Variants in CDH2 observed in about 807,000 individuals in gnomAD.
The protein encoded by CDH2 is cadherin-2.
Under a neutral mutation model 92.0 loss-of-function variants are expected in CDH2, and 17 were observed. The ratio of observed to expected loss-of-function variants is 0.18; its 90% confidence interval spans 0.13 to 0.28. The LOEUF (loss-of-function observed/expected upper bound fraction) is 0.28. Among genes scored for constraint, CDH2 ranks in the 10% least tolerant of loss-of-function variants. The probability of loss-of-function intolerance (pLI) is 1.00; values close to 1 mark genes in which losing one functional copy is unlikely to be tolerated. For synonymous variants in CDH2, 419 were observed against 415.9 expected, an observed-to-expected ratio of 1.01 and a Z score of -0.09; for missense variants, 862 against 1,133.1, an observed-to-expected ratio of 0.76 and a Z score of 3.44.
At chr18:28,126,387 A>T (rs2015677945) in intron 2 of CDH2, among the ~76,000 whole-genome samples, 1 of 152,158 alleles carries the variant, frequency 6.6e-6, no homozygotes, top group Non-Finnish European at 1.5e-5. Flanking sequence ...CCTTTGAAAA[A>T]ATACATCATC....
At chr18:27,943,004 C>T (rs1050084320) in intron 6 of CDH2, among the ~76,000 whole-genome samples, 6 of 152,096 alleles carry the variant, frequency 3.9e-5, no homozygotes, top group African/African-American at 1.4e-4. Context: ...CATCTCCTTC[C>T]CCACCACACA....
chr18:28,057,324 T>C (rs1461131914), intron 2 of CDH2, among the ~76,000 whole-genome samples: 1 of 152,230 alleles, frequency 6.6e-6, no homozygotes, highest in Non-Finnish European at 1.5e-5. Context: ...CAGACTTTCA[T>C]GCTAAAATTA....
chr18:28,110,955 C>G, intron 2 of CDH2, among the ~76,000 whole-genome samples: 1 of 152,034 alleles, frequency 6.6e-6, no homozygotes, highest in East Asian at 1.9e-4. Flanking sequence ...GTACATCAAG[C>G]TAAATGAGGT....
intron 2 of CDH2, among the ~76,000 whole-genome samples, chr18:28,137,472 C>G (rs1278667296): frequency 6.6e-6 from 1 of 151,894 alleles, no homozygotes; most frequent in Non-Finnish European, 1.5e-5. Flanking sequence ...GTGAGCAAAT[C>G]CCAACCAGAG....
At chr18:28,053,217 AC>A (rs1219043103) in intron 2 of CDH2, among the ~76,000 whole-genome samples, 2 of 143,716 alleles carry the variant, frequency 1.4e-5, no homozygotes, top group Admixed American at 1.4e-4. Context: ...AAGCCATTCC[AC>A]CATGTAATTG....
At chr18:28,104,692 A>ATATCTATC (rs5823586) in intron 2 of CDH2, among the ~76,000 whole-genome samples, 22,034 of 148,356 alleles carry the variant, frequency 0.15, 2,779 homozygotes, top group African/African-American at 0.34. Context: ...ATGCAAATAC[A>ATATCTATC]TATCTATCTA....
chr18:28,010,107 A>C (rs2013053539), intron 4 of CDH2, among the ~76,000 whole-genome samples: 1 of 152,158 alleles, frequency 6.6e-6, no homozygotes, highest in South Asian at 2.1e-4. Context: ...CTAAAAGAAA[A>C]CTCACTAGGA....
At chr18:28,109,737 A>G (rs1315404338) in intron 2 of CDH2, among the ~76,000 whole-genome samples, 32 of 152,292 alleles carry the variant, frequency 2.1e-4, no homozygotes, top group Admixed American at 2.1e-3. Context: ...AAGTATATGA[A>G]ACTCTTTTTT....
chr18:28,144,591 T>C (rs2016006244), intron 2 of CDH2, among the ~76,000 whole-genome samples: 1 of 151,946 alleles, frequency 6.6e-6, no homozygotes, highest in Admixed American at 6.6e-5. Context: ...CAAAGATCTC[T>C]AAAAAGAATC....
intron 6 of CDH2, among the ~76,000 whole-genome samples, chr18:27,939,603 C>T (rs1039374404): frequency 6.6e-6 from 1 of 152,148 alleles, no homozygotes; most frequent in Non-Finnish European, 1.5e-5. Flanking sequence ...GGCCCTTGAG[C>T]TCACCTCTTT....
At chr18:28,149,102 T>C (rs2016082151) in intron 1 of CDH2, among the ~76,000 whole-genome samples, 1 of 152,044 alleles carries the variant, frequency 6.6e-6, no homozygotes, top group Admixed American at 6.5e-5. Flanking sequence ...TAAAAAGGTG[T>C]GAGTGGAAGC....
At chr18:28,005,264 C>T (rs552293246) in intron 6 of CDH2, among the ~76,000 whole-genome samples, 1 of 152,218 alleles carries the variant, frequency 6.6e-6, no homozygotes, top group African/African-American at 2.4e-5. Context: ...ATTTCTAGGC[C>T]AGGGCATTTT....
chr18:28,122,339 T>C (rs1163637796), intron 2 of CDH2, among the ~76,000 whole-genome samples: 2 of 152,186 alleles, frequency 1.3e-5, no homozygotes, highest in Non-Finnish European at 2.9e-5. Context: ...CTATTTCTAT[T>C]CAGTGTTGTA....
chr18:28,130,938 A>T (rs71353458), intron 2 of CDH2, among the ~76,000 whole-genome samples: 1 of 152,274 alleles, frequency 6.6e-6, no homozygotes, highest in South Asian at 2.1e-4. Context: ...AGAATCAGAC[A>T]CCACATGCAT....
chr18:28,063,463 G>T (rs1358099121), intron 2 of CDH2, among the ~76,000 whole-genome samples: 1 of 152,162 alleles, frequency 6.6e-6, no homozygotes, highest in Admixed American at 6.5e-5. Context: ...CTCAGCTGGA[G>T]CAAAGAAAAA....
At position 27,952,205 on chromosome 18, in the gene CDH2, C is replaced by G; in HGVS notation, c.2669G>C (p.Trp890Ser). Reference protein sequence around the residue: ...GEQDYDYLNDWGPRFKKLADM... With the variant: ...GEQDYDYLNDSGPRFKKLADM... ...AGCAAGTTTCTTGAACCGTGGCCCCCAGTCGTTCAGGTAATCATAGTCCTG... is the reference window on the plus strand; with the variant it reads ...AGCAAGTTTCTTGAACCGTGGCCCCGAGTCGTTCAGGTAATCATAGTCCTG... The change falls in exon 16 of 16, where the codon TGG becomes TCG. Residue 890 changes from tryptophan to serine, a missense_variant. By Grantham distance (177) the Trp-to-Ser change is radical. Transcript: ENST00000269141. 6.2e-7 allele frequency: 1 copy of G among 1,613,718 alleles called. No individual in the cohort carries two copies. Among genetic ancestry groups the G allele is most frequent in the Non-Finnish European group, 8.5e-7 (1 of 1,179,740 alleles).
At chr18:28,115,273 AACT>A (rs2015477982) in intron 2 of CDH2, among the ~76,000 whole-genome samples, 1 of 152,176 alleles carries the variant, frequency 6.6e-6, no homozygotes, top group South Asian at 2.1e-4. Flanking sequence ...TGCCCATAGC[AACT>A]ACTTCCACAA....
At chr18:27,958,473 G>A (rs556693848) in intron 15 of CDH2, among the ~76,000 whole-genome samples, 1 of 148,464 alleles carries the variant, frequency 6.7e-6, no homozygotes. Flanking sequence ...CTTTATATAT[G>A]TATGTTTGTA....
Position 28,166,083 on chromosome 18 carries a change from T to C in CDH2, c.60+10880A>G, listed in dbSNP as rs537414828. On this transcript the variant is annotated intron_variant, in intron 1 of 15. Transcript: ENST00000269141. ...GTGTGACGTTTGAGGAAGCTGTCTTTGGAGGTGGACAGGTCTCAATTTATA... is the reference window on the plus strand; with the variant it reads ...GTGTGACGTTTGAGGAAGCTGTCTTCGGAGGTGGACAGGTCTCAATTTATA... Among the ~76,000 whole-genome samples, 232 of 147,624 alleles carry C rather than the reference T, an allele frequency of 1.6e-3. 1 individual carries two copies. Among genetic ancestry groups the C allele is most frequent in the Middle Eastern group, 7.3e-3 (2 of 274 alleles).
Sources: gnomAD v4.1 joint callset for allele counts (sites outside exome capture counted in the v4.1 genomes callset) on GRCh38, gnomAD v4.1.1 for gene constraint, MANE v1.5 for transcripts, NCBI Gene and HGNC (gene_info 2026-07-23, HGNC 2026-07-21) for gene names.